Variants in TEX9 observed in about 807,000 individuals in gnomAD.
TEX9 encodes the protein testis expressed 9, also known as testis-expressed protein 9.
In TEX9, 74 loss-of-function variants were observed where a neutral mutation model predicts 59.6. That is an observed-to-expected ratio of 1.24 (90% CI 1.03 to 1.51). The LOEUF (loss-of-function observed/expected upper bound fraction) is 1.51. TEX9 is among the 40% of genes most tolerant of loss of function. The pLI, the probability that TEX9 is intolerant of heterozygous loss-of-function variation, is 0.00. For missense variants in TEX9, 522 were observed against 447.8 expected (o/e 1.17, Z -1.49); for synonymous variants, 186 against 152.2 (o/e 1.22, Z -1.64).
intron 1 of TEX9, among the ~76,000 whole-genome samples, chr15:56,269,626 C>A (rs993407977): frequency 6.7e-6 from 1 of 149,796 alleles, no homozygotes; most frequent in African/African-American, 2.4e-5. Flanking sequence ...TGGAGTTGTG[C>A]GGTTCTGAAT....
At chr15:56,282,600 GT>G (rs1392037549) in intron 1 of TEX9, among the ~76,000 whole-genome samples, 1 of 152,114 alleles carries the variant, frequency 6.6e-6, no homozygotes, top group Non-Finnish European at 1.5e-5. Context: ...TAGAATTACT[GT>G]GACTTTTATT....
At chr15:56,307,391 T>C (rs1259116333) in intron 1 of TEX9, among the ~76,000 whole-genome samples, 1 of 152,152 alleles carries the variant, frequency 6.6e-6, no homozygotes, top group African/African-American at 2.4e-5. Context: ...GTTTCCAATT[T>C]CCCTCACTGG....
upstream of TEX9, chr15:56,365,391 G>A: frequency 6.3e-7 from 1 of 1,583,208 alleles, no homozygotes; most frequent in Non-Finnish European, 8.6e-7. Flanking sequence ...CAACCGGGAT[G>A]TGGAAACTCT....
chr15:56,444,701 C>A, intron 12 of TEX9: 1 of 1,570,182 alleles, frequency 6.4e-7, no homozygotes, highest in South Asian at 1.1e-5. Flanking sequence ...TTGATCTTTC[C>A]GTTTTCAAAT....
At chr15:56,370,033 C>T (rs947359412) in intron 2 of TEX9, among the ~76,000 whole-genome samples, 24 of 152,034 alleles carry the variant, frequency 1.6e-4, no homozygotes, top group Non-Finnish European at 3.2e-4. Context: ...TAAGAGCATT[C>T]TTTTTATAAC....
intron 1 of TEX9, among the ~76,000 whole-genome samples, chr15:56,319,391 G>A (rs2045852404): frequency 6.6e-6 from 1 of 151,430 alleles, no homozygotes; most frequent in South Asian, 2.1e-4. Context: ...ATATACATAA[G>A]ACAAATCACA....
At chr15:56,406,226 T>G (rs949739697) in intron 9 of TEX9, among the ~76,000 whole-genome samples, 2 of 152,168 alleles carry the variant, frequency 1.3e-5, no homozygotes, top group Non-Finnish European at 2.9e-5. Context: ...CTTTTGTATA[T>G]CTGGCTATTT....
At chr15:56,380,659 T>G (rs776229623) in intron 3 of TEX9, among the ~76,000 whole-genome samples, 1 of 152,210 alleles carries the variant, frequency 6.6e-6, no homozygotes, top group African/African-American at 2.4e-5. Context: ...TTATCTTTCA[T>G]GTTTGAAGGA....
intron 12 of TEX9, among the ~76,000 whole-genome samples, chr15:56,430,946 A>G (rs2050574066): frequency 6.6e-6 from 1 of 152,174 alleles, no homozygotes; most frequent in African/African-American, 2.4e-5. Flanking sequence ...GGATCACCTG[A>G]GGCCAAGAGT....
chr15:56,415,009 T>TC (rs1256946046), intron 10 of TEX9, among the ~76,000 whole-genome samples: 1 of 151,674 alleles, frequency 6.6e-6, no homozygotes, highest in Non-Finnish European at 1.5e-5. Flanking sequence ...AGCTTTTTTT[T>TC]CATACTTGTT....
intron 5 of TEX9, among the ~76,000 whole-genome samples, chr15:56,388,851 G>T (rs1297058194): frequency 5.9e-5 from 9 of 152,002 alleles, no homozygotes; most frequent in Non-Finnish European, 1.3e-4. Flanking sequence ...CAAAGAAGGT[G>T]ATTTGAAAAG....
At position 56,428,361 on chromosome 15, in the gene TEX9, T is replaced by TA; in HGVS notation, c.1099-4dup. The TA allele has an allele frequency of 1.2e-6, 2 of 1,606,400 alleles. No individual in the cohort carries two copies. Among genetic ancestry groups the TA allele is most frequent in the Non-Finnish European group, 1.7e-6 (2 of 1,174,456 alleles). On this transcript the variant is annotated splice_polypyrimidine_tract_variant and splice_region_variant and intron_variant, in intron 11 of 12. Coordinates refer to ENST00000352903, the Ensembl canonical transcript of TEX9. Reference sequence around the variant, plus strand: ...AATCAGACAATATTGATTTTTTTTTTAACAGATGCATATTGAAGCTGCCAA... The same window carrying TA: ...AATCAGACAATATTGATTTTTTTTTTAAACAGATGCATATTGAAGCTGCCAA...
chr15:56,428,926 T>C, intron 12 of TEX9: 1 of 540,706 alleles, frequency 1.8e-6, no homozygotes, highest in Non-Finnish European at 3.2e-6. Context: ...AAATAACAGC[T>C]TGATTAAAAT....
chr15:56,358,509 T>A (rs1356686855), intron 1 of TEX9, among the ~76,000 whole-genome samples: 1 of 152,136 alleles, frequency 6.6e-6, no homozygotes, highest in African/African-American at 2.4e-5. Flanking sequence ...TAGAGAGAGT[T>A]CCCATATACC....
At chr15:56,314,256 G>A (rs1190689558) in intron 1 of TEX9, among the ~76,000 whole-genome samples, 47 of 73,346 alleles carry the variant, frequency 6.4e-4, no homozygotes, top group African/African-American at 8.8e-4. Flanking sequence ...TGTCAATTTT[G>A]GATCTTTCCT....
chr15:56,294,755 C>T (rs1030717601), intron 1 of TEX9, among the ~76,000 whole-genome samples: 14 of 151,998 alleles, frequency 9.2e-5, no homozygotes, highest in African/African-American at 3.4e-4. Flanking sequence ...ATAACCCAAA[C>T]AAAGGAAATA....
chr15:56,310,599 T>A (rs1375690358), intron 1 of TEX9, among the ~76,000 whole-genome samples: 1 of 152,306 alleles, frequency 6.6e-6, no homozygotes, highest in Middle Eastern at 3.4e-3. Flanking sequence ...GCTGGTCTAT[T>A]ATGATCCCTG....
chr15:56,247,083 A>G (rs1245917528), intron 1 of TEX9, among the ~76,000 whole-genome samples: 1 of 152,246 alleles, frequency 6.6e-6, no homozygotes, highest in Non-Finnish European at 1.5e-5. Context: ...TGTGGAATTT[A>G]GTAGTTAACT....
intron 10 of TEX9, among the ~76,000 whole-genome samples, chr15:56,416,459 A>G (rs1160936351): frequency 1.3e-5 from 2 of 151,902 alleles, no homozygotes; most frequent in Non-Finnish European, 2.9e-5. Flanking sequence ...TTCTGCATCT[A>G]TTGAGGTAAT....
Sources: allele counts gnomAD v4.1 joint callset (sites outside exome capture counted in the v4.1 genomes callset), GRCh38; gene constraint gnomAD v4.1.1; transcripts MANE v1.5; gene names NCBI Gene and HGNC (gene_info 2026-07-23, HGNC 2026-07-21).